Variants in A4GALT observed in about 807,000 individuals in gnomAD.
A4GALT encodes lactosylceramide 4-alpha-galactosyltransferase.
For synonymous variants in A4GALT, 257 were observed against 220.7 expected (o/e 1.16, Z -1.46); for missense variants, 512 against 486.0 (o/e 1.05, Z -0.50).
At chr22:42,709,814 G>T (rs1921522255) in intron 1 of A4GALT, among the ~76,000 whole-genome samples, 1 of 152,026 alleles carries the variant, frequency 6.6e-6, no homozygotes, top group South Asian at 2.1e-4. Flanking sequence ...ATAAAAAAAT[G>T]GGGGTGATTC....
rs59690136 is a variant in A4GALT, at chr22:42,703,259, G to GTTTTTTTTTTTT, written c.-187-7640_-187-7629dup. Reference sequence around the variant, plus strand: ...TTTTTTTTGTTGTTTGTTTGTTTTTGTTTTTTTTTTTTTTGAGACAGAGTC... The same window carrying GTTTTTTTTTTTT: ...TTTTTTTTGTTGTTTGTTTGTTTTTGTTTTTTTTTTTTTTTTTTTTTTTTTTGAGACAGAGTC... On this transcript the variant is annotated intron_variant, in intron 1 of 2. Coordinates refer to ENST00000642412, the MANE Select transcript of A4GALT (RefSeq NM_017436.7). 1.1e-4 allele frequency among the ~76,000 whole-genome samples: 14 copies of GTTTTTTTTTTTT among 131,748 alleles called. 3 individuals are homozygous for GTTTTTTTTTTTT. The highest frequency in any genetic ancestry group is 4.0e-4 in the African/African-American group (14 of 34,782). The allele number at this position is 131,748 out of a possible 152,430, so 86.4% of individuals were successfully genotyped here.
chr22:42,693,154 G>T lies in A4GALT; in HGVS notation c.798C>A (p.Ser266Arg), dbSNP rs775125442. 6.3e-7 allele frequency: 1 copy of T among 1,597,986 alleles called. No individual in the cohort carries two copies. The highest frequency in any genetic ancestry group is 8.5e-7 in the Non-Finnish European group (1 of 1,173,472). The change falls in exon 3 of 3, where the codon AGC becomes AGA. Residue 266 changes from serine (S) to arginine (R), a missense_variant. Ser to Arg is a moderately radical substitution (Grantham distance 110). Transcript: ENST00000642412. The part of the protein sequence containing the change: ...RVFKKWCSIR[S>R]LAESRACRGV... ...CGCGGCAGGCGCGGCTCTCGGCCAG[G>T]CTGCGGATGGAACACCACTTCTTGA...
At chr22:42,702,900 T>C (rs1920932616) in intron 1 of A4GALT, among the ~76,000 whole-genome samples, 1 of 144,212 alleles carries the variant, frequency 6.9e-6, no homozygotes, top group Non-Finnish European at 1.5e-5. Flanking sequence ...GATGCGGGGA[T>C]TACTCCAGCC....
upstream of A4GALT, chr22:42,721,152 G>A (rs949266341): frequency 6.6e-6 from 1 of 152,194 alleles, no homozygotes; most frequent in African/African-American, 2.4e-5. Context: ...CTGAGGTTCA[G>A]AGGGTTGAGT....
intron 1 of A4GALT, among the ~76,000 whole-genome samples, chr22:42,717,912 G>A (rs1478897720): frequency 1.3e-5 from 2 of 152,108 alleles, no homozygotes; most frequent in East Asian, 1.9e-4. Context: ...CTGGCTTCTC[G>A]TACTCTGACC....
At chr22:42,697,973 G>A (rs981217085) in intron 1 of A4GALT, among the ~76,000 whole-genome samples, 3 of 152,168 alleles carry the variant, frequency 2.0e-5, no homozygotes, top group Non-Finnish European at 4.4e-5. Flanking sequence ...GGGCATGGCC[G>A]GGCGCGGTGG....
chr22:42,703,106 C>CGGTGTGTGTGTGTGTG (rs1920935292), intron 1 of A4GALT, among the ~76,000 whole-genome samples: 1 of 134,036 alleles, frequency 7.5e-6, no homozygotes, highest in African/African-American at 3.2e-5. Context: ...TGCTGCCCCA[C>CGGTGTGTGTGTGTGTG]TGTGTGTGTG....
rs114409353 is a variant in A4GALT, at chr22:42,717,169, A to G, written c.-188+3628T>C. The stretch of plus-strand genomic sequence containing the variant: ...AACCCCCAGGATATGTCCAGAGGGA[A>G]GACAAAGGTGGCAGATGGGAGAGGA... On this transcript the variant is annotated intron_variant, in intron 1 of 2. Coordinates refer to ENST00000642412, the MANE Select transcript of A4GALT (RefSeq NM_017436.7). Among the ~76,000 whole-genome samples, 927 of 152,318 alleles carry G rather than the reference A, an allele frequency of 6.1e-3. 7 individuals carry two copies. Among genetic ancestry groups the G allele is most frequent in the African/African-American group, 0.022 (901 of 41,572 alleles).
At chr22:42,703,832 T>C (rs1920947130) in intron 1 of A4GALT, among the ~76,000 whole-genome samples, 1 of 152,166 alleles carries the variant, frequency 6.6e-6, no homozygotes. Context: ...CTGAGGGATC[T>C]GGGGCAGAAG....
intron 1 of A4GALT, among the ~76,000 whole-genome samples, chr22:42,715,460 G>A (rs1412355852): frequency 6.6e-6 from 1 of 152,140 alleles, no homozygotes; most frequent in Admixed American, 6.5e-5. Context: ...GGTGGCTCAT[G>A]CCTGTAATCC....
At chr22:42,701,831 C>T (rs912176681) in intron 1 of A4GALT, among the ~76,000 whole-genome samples, 1 of 152,148 alleles carries the variant, frequency 6.6e-6, no homozygotes, top group Non-Finnish European at 1.5e-5. Context: ...GTAGAGGCTG[C>T]CTGGTAATGA....
chr22:42,705,355 C>G (rs1234208967), intron 1 of A4GALT, among the ~76,000 whole-genome samples: 1 of 152,108 alleles, frequency 6.6e-6, no homozygotes, highest in Non-Finnish European at 1.5e-5. Context: ...AATCTCAGCA[C>G]TTTGGGGGCC....
rs1185874996 is a variant in A4GALT, at chr22:42,693,981, A to G, written c.-30T>C. The G allele has an allele frequency of 6.5e-7, 1 of 1,548,158 alleles. No individual in the cohort carries two copies. Among genetic ancestry groups the G allele is most frequent in the Non-Finnish European group, 8.7e-7 (1 of 1,145,874 alleles). ...TCCCCAGATCAGACCAGGAGCTTCC[A>G]GCAGGAACCGGCTGGTCTGCAAGAG... On this transcript the variant is annotated 5_prime_UTR_variant, in exon 3 of 3. Coordinates refer to ENST00000642412, the MANE Select transcript of A4GALT (RefSeq NM_017436.7).
rs752272593 is a variant in A4GALT at position 42,693,448 on chromosome 22, G to A, written c.504C>T (p.Pro168=). 1 of 1,613,262 alleles carries A rather than the reference G, an allele frequency of 6.2e-7. No homozygotes were observed. The highest frequency in any genetic ancestry group is 1.3e-5 in the African/African-American group (1 of 75,070). ...CGTCGGAGAGCACGGGCAGCAGGTA[G>A]GGCTCCCAGCGCCCCTGCACGGCCG... ...WYAAVQGRWE[P]YLLPVLSDAS... The change falls in exon 3 of 3, where the codon CCC becomes CCT. Residue 168 remains proline, a synonymous_variant. Coordinates refer to ENST00000642412, the MANE Select transcript of A4GALT (RefSeq NM_017436.7).
chr22:42,716,656 G>T (rs1365885859), intron 1 of A4GALT, among the ~76,000 whole-genome samples: 1 of 152,118 alleles, frequency 6.6e-6, no homozygotes, highest in African/African-American at 2.4e-5. Flanking sequence ...CTGCACCAGG[G>T]CTAGGGGCTC....
Position 42,701,202 on chromosome 22 carries a change from C to T in A4GALT, c.-187-5571G>A, listed in dbSNP as rs77482029. ...TTATGTGGCCAGGCCTGGAGGACAA[C>T]GGCCTGCACCAACATACCTGAGCTT... On this transcript the variant is annotated intron_variant, in intron 1 of 2. Coordinates refer to ENST00000642412, the MANE Select transcript of A4GALT (RefSeq NM_017436.7). Among the ~76,000 whole-genome samples, 167 of 152,324 alleles carry T rather than the reference C, an allele frequency of 1.1e-3. No individual in the cohort carries two copies. The Middle Eastern group carries it at 0.014, about 12-fold the overall frequency.
intron 1 of A4GALT, among the ~76,000 whole-genome samples, chr22:42,706,354 C>CTAA (rs1921128098): frequency 2.4e-5 from 2 of 83,814 alleles, no homozygotes; most frequent in Admixed American, 1.6e-4. Context: ...GACTCCATCC[C>CTAA]AAAAAAAAAA....
At chr22:42,719,641 G>C (rs934956674) in intron 1 of A4GALT, among the ~76,000 whole-genome samples, 1 of 152,140 alleles carries the variant, frequency 6.6e-6, no homozygotes, top group South Asian at 2.1e-4. Flanking sequence ...AGAGGGCTGT[G>C]GGAAATCTTG....
chr22:42,694,013 A>C lies in A4GALT; in HGVS notation c.-46-16T>G. ...ACCGGCTGGTCTGCAAGAGATGAGC[A>C]CCCGCCATCAGGGAGGCCGTTGGCA... On this transcript the variant is annotated splice_polypyrimidine_tract_variant and intron_variant, in intron 2 of 2. Transcript: ENST00000642412. 1.4e-6 allele frequency: 2 copies of C among 1,421,570 alleles called. No individual in the cohort carries two copies. 88.1% of individuals were successfully genotyped at this position (1,421,570 alleles called of 1,614,324 possible).
Sources: allele counts gnomAD v4.1 joint callset (sites outside exome capture counted in the v4.1 genomes callset), GRCh38; gene constraint gnomAD v4.1.1; transcripts MANE v1.5; gene names NCBI Gene and HGNC (gene_info 2026-07-23, HGNC 2026-07-21).